MBTD1: variants seen among roughly 807,000 people sequenced by gnomAD.
MBTD1 encodes MBT domain-containing protein 1.
In MBTD1, 24 loss-of-function variants were observed where a neutral mutation model predicts 87.8. The observed-to-expected ratio is 0.27, with a 90% CI of 0.20 to 0.38. The LOEUF (loss-of-function observed/expected upper bound fraction) is 0.38, where lower values mean the gene tolerates loss of function less well. Ranked by LOEUF, MBTD1 falls within the 10% of genes least tolerant of loss-of-function variation. The pLI is 1.00. For synonymous variants in MBTD1, 237 were observed against 248.6 expected (o/e 0.95, Z 0.44); for missense variants, 436 against 760.2 (o/e 0.57, Z 5.02).
chr17:51,237,389 G>A (rs2053910906), intron 2 of MBTD1, among the ~76,000 whole-genome samples: 1 of 151,576 alleles, frequency 6.6e-6, no homozygotes, highest in African/African-American at 2.4e-5. Context: ...CAATGTTTAA[G>A]AGAATAAGAC....
At chr17:51,260,588 CCGCCGGAGCG>C, upstream of MBTD1, 1 of 1,611,770 alleles carries the variant, frequency 6.2e-7, no homozygotes, top group Non-Finnish European at 8.5e-7. Context: ...CCTAACGATG[CCGCCGGAGCG>C]GAGGAGACGA....
intron 5 of MBTD1, among the ~76,000 whole-genome samples, 159 bp downstream of exon 5, chr17:51,218,771 T>G (rs1394241242): frequency 6.6e-6 from 1 of 152,206 alleles, no homozygotes; most frequent in African/African-American, 2.4e-5. Context: ...TAGAGTAATT[T>G]ATTGAAATCA....
Position 51,179,608 on chromosome 17 carries a change from C to G in MBTD1, c.*968G>C, listed in dbSNP as rs1228013867. On this transcript the variant is annotated 3_prime_UTR_variant, in exon 17 of 17. Coordinates refer to ENST00000586178, the MANE Select transcript of MBTD1 (RefSeq NM_017643.3). ...AAATCCAGGATAGATAAAAGCAGAG[C>G]TGGAATGATTTTGAAATCTAAACTT... 2 of 142,814 alleles carry G rather than the reference C, an allele frequency of 1.4e-5. No homozygotes were observed. 8.8% of individuals were successfully genotyped at this position (142,814 alleles called of 1,614,324 possible).
In MBTD1 at chr17:51,177,820, C is replaced by G. The variant is rs1295658467; in HGVS notation, c.*2756G>C. On this transcript the variant is annotated 3_prime_UTR_variant, in exon 17 of 17. Transcript: ENST00000586178. Reference sequence around the variant, plus strand: ...GTGGCTTTATTTAAAATATGAAAATCAAAGGAAGAAACCCAGTTTAATCAC... The same window carrying G: ...GTGGCTTTATTTAAAATATGAAAATGAAAGGAAGAAACCCAGTTTAATCAC... The G allele has an allele frequency of 1.3e-5, 2 of 152,060 alleles. No individual in the cohort carries two copies. Among genetic ancestry groups the G allele is most frequent in the Non-Finnish European group, 1.5e-5 (1 of 68,012 alleles). 9.4% of individuals were successfully genotyped at this position (152,060 alleles called of 1,614,324 possible). A position where few individuals can be genotyped will look rare whatever the true frequency, so the allele number is the denominator to read the frequency against.
intron 2 of MBTD1, among the ~76,000 whole-genome samples, chr17:51,234,338 A>G (rs2053704849): frequency 6.9e-6 from 1 of 143,926 alleles, no homozygotes; most frequent in African/African-American, 2.6e-5. Context: ...GGTTGCAGTG[A>G]GCTGAGATTG....
intron 6 of MBTD1, among the ~76,000 whole-genome samples, chr17:51,211,500 TG>T (rs2052212190): frequency 9.4e-6 from 1 of 105,982 alleles, no homozygotes; most frequent in African/African-American, 3.8e-5. Flanking sequence ...GGAGTGAGAC[TG>T]TTTAAAAAAA....
chr17:51,217,280 A>G (rs2052623893), intron 6 of MBTD1, 54 bp downstream of exon 6: 2 of 1,021,054 alleles, frequency 2.0e-6, no homozygotes, highest in South Asian at 1.6e-5. Context: ...TTGTACCTTC[A>G]GATTTAAACA....
rs1222565890 is a variant in MBTD1, at chr17:51,202,730, C to T, written c.1034G>A (p.Arg345Gln). The change falls in exon 10 of 17, where the codon CGA becomes CAA. Residue 345 changes from arginine to glutamine, a missense_variant. Arg to Gln is a conservative substitution (Grantham distance 43). Coordinates refer to ENST00000586178, the MANE Select transcript of MBTD1 (RefSeq NM_017643.3). The stretch of plus-strand genomic sequence containing the variant: ...TCTTTTGAATCGATGACCTATGCTT[C>T]GAGACCAACCAATATGATGTATTAA... ...SPLIHHIGWSRSIGHRFKRSD... is the reference protein window; with the variant it reads ...SPLIHHIGWSQSIGHRFKRSD... 6 of 1,614,114 alleles carry T rather than the reference C, an allele frequency of 3.7e-6. No homozygotes were observed. Among genetic ancestry groups the T allele is most frequent in the East Asian group, 2.2e-5 (1 of 44,870 alleles).
chr17:51,252,877 A>G (rs1045371742), intron 2 of MBTD1, among the ~76,000 whole-genome samples: 8 of 152,030 alleles, frequency 5.3e-5, no homozygotes, highest in Non-Finnish European at 1.2e-4. Context: ...CTCCCTGTCC[A>G]CTATAAAGTC....
intron 2 of MBTD1, among the ~76,000 whole-genome samples, chr17:51,233,621 A>G (rs1349828983): frequency 6.6e-6 from 1 of 152,156 alleles, no homozygotes. Context: ...CAATTAAGAG[A>G]TATTCAAGAA....
chr17:51,250,684 T>C (rs2054728243), intron 2 of MBTD1: 1 of 152,232 alleles, frequency 6.6e-6, no homozygotes, highest in Non-Finnish European at 1.5e-5. Context: ...TACTAGGAAA[T>C]ATCTTTGAGT....
In MBTD1 at chr17:51,236,646, C is replaced by T. The variant is rs370877512; in HGVS notation, c.-48-11437G>A. ...ACAGTTCAATGGTGTGGCACAAGGC[C>T]CGAGGCAGGGAGGCCTCTGCTGCCC... On this transcript the variant is annotated intron_variant, in intron 2 of 16. Coordinates refer to ENST00000586178, the MANE Select transcript of MBTD1 (RefSeq NM_017643.3). Among the ~76,000 whole-genome samples the T allele has an allele frequency of 4.3e-4, 66 of 152,260 alleles. 2 individuals carry two copies. The South Asian group carries it at 0.013, about 30-fold the overall frequency.
chr17:51,191,265 T>C (rs1304491969), intron 16 of MBTD1, among the ~76,000 whole-genome samples: 4 of 150,166 alleles, frequency 2.7e-5, no homozygotes, highest in African/African-American at 9.8e-5. Flanking sequence ...AATTTCTTTT[T>C]TTTTTTTTTT....
intron 2 of MBTD1, among the ~76,000 whole-genome samples, chr17:51,254,499 A>G (rs2054970214): frequency 6.6e-6 from 1 of 152,236 alleles, no homozygotes; most frequent in Non-Finnish European, 1.5e-5. Context: ...AAAAGTACCC[A>G]GGAGAATGAT....
At chr17:51,238,258 T>C (rs913580030) in intron 2 of MBTD1, among the ~76,000 whole-genome samples, 2 of 152,196 alleles carry the variant, frequency 1.3e-5, no homozygotes, top group African/African-American at 2.4e-5. Context: ...AAAAAATCTA[T>C]AGCCAGCCAA....
intron 2 of MBTD1, among the ~76,000 whole-genome samples, chr17:51,254,074 A>G (rs2054943816): frequency 6.6e-6 from 1 of 152,202 alleles, no homozygotes; most frequent in Admixed American, 6.5e-5. Flanking sequence ...GGCTCACATA[A>G]TTTTCAAATT....
intron 16 of MBTD1, among the ~76,000 whole-genome samples, chr17:51,190,750 A>AAAAATATATATAT (rs1555677185): frequency 2.5e-5 from 1 of 39,718 alleles, no homozygotes; most frequent in African/African-American, 1.5e-4. Context: ...AAAAAAAAAA[A>AAAAATATATATAT]ATATATATAT....
At chr17:51,191,166 A>T (rs967884116) in intron 16 of MBTD1, among the ~76,000 whole-genome samples, 8 of 151,364 alleles carry the variant, frequency 5.3e-5, no homozygotes, top group African/African-American at 9.8e-5. Context: ...GAAATAAGAT[A>T]AAAAAAATCA....
intron 16 of MBTD1, among the ~76,000 whole-genome samples, chr17:51,182,673 C>G (rs911991865): frequency 5.7e-4 from 87 of 152,198 alleles, no homozygotes; most frequent in Non-Finnish European, 8.8e-5. Flanking sequence ...CCAGCCCCTG[C>G]AGGCATCTGG....
Sources: allele counts gnomAD v4.1 joint callset (sites outside exome capture counted in the v4.1 genomes callset), GRCh38; gene constraint gnomAD v4.1.1; transcripts MANE v1.5; gene names NCBI Gene and HGNC (gene_info 2026-07-23, HGNC 2026-07-21).